PDSS1: variants seen among roughly 807,000 people sequenced by gnomAD.
The protein encoded by PDSS1 is all trans-polyprenyl-diphosphate synthase PDSS1.
Under a neutral mutation model 57.5 loss-of-function variants are expected in PDSS1, and 43 were observed. The observed-to-expected ratio is 0.75, with a 90% confidence interval of 0.59 to 0.96. The LOEUF is 0.96. PDSS1 is among the 50% of genes least tolerant of loss of function. The pLI is 0.00. For missense variants in PDSS1, 438 were observed against 527.8 expected (o/e 0.83, Z 1.67); for synonymous variants, 175 against 191.3 (o/e 0.91, Z 0.70).
chr10:26,724,958 G>C (rs1835905358), intron 8 of PDSS1, among the ~76,000 whole-genome samples: 1 of 152,062 alleles, frequency 6.6e-6, no homozygotes, highest in Non-Finnish European at 1.5e-5. Context: ...TACAAATTGA[G>C]TATAAGCCAT....
At chr10:26,701,156 TGA>T (rs774343656) in intron 1 of PDSS1, among the ~76,000 whole-genome samples, 4 of 152,172 alleles carry the variant, frequency 2.6e-5, no homozygotes, top group Non-Finnish European at 4.4e-5. Context: ...ACTTTGAGCC[TGA>T]GAGAGATGAT....
chr10:26,726,312 C>G (rs1835945829), intron 8 of PDSS1, among the ~76,000 whole-genome samples: 1 of 152,194 alleles, frequency 6.6e-6, no homozygotes, highest in African/African-American at 2.4e-5. Flanking sequence ...CTGGCATCGT[C>G]CCAGCACTAC....
intron 5 of PDSS1, among the ~76,000 whole-genome samples, chr10:26,711,993 TTC>T (rs1835418628): frequency 1.2e-5 from 1 of 85,340 alleles, no homozygotes; most frequent in South Asian, 3.7e-4. Flanking sequence ...GTTTTTCTTT[TTC>T]TTTTTCTTTT....
At chr10:26,725,420 A>T (rs562436901) in intron 8 of PDSS1, among the ~76,000 whole-genome samples, 3 of 152,234 alleles carry the variant, frequency 2.0e-5, no homozygotes, top group Non-Finnish European at 4.4e-5. Flanking sequence ...AACTTTAAGG[A>T]ATGTGAATTA....
chr10:26,708,785 C>G (rs1835326339), intron 4 of PDSS1, among the ~76,000 whole-genome samples: 1 of 151,692 alleles, frequency 6.6e-6, no homozygotes, highest in Non-Finnish European at 1.5e-5. Flanking sequence ...GTGCCACTGC[C>G]CTGAGGCCTG....
intron 1 of PDSS1, among the ~76,000 whole-genome samples, chr10:26,701,435 C>T (rs556427881): frequency 1.1e-4 from 16 of 152,178 alleles, no homozygotes; most frequent in Non-Finnish European, 1.9e-4. Context: ...GGGCCCAGGG[C>T]CCTGCTGCTC....
intron 1 of PDSS1, chr10:26,701,903 C>A (rs1408380765): frequency 3.3e-5 from 15 of 450,956 alleles, no homozygotes; most frequent in Non-Finnish European, 5.3e-5. Context: ...GGGGTTGAAC[C>A]CTGCAAAGCC....
At chr10:26,728,150 G>A (rs547520580) in intron 8 of PDSS1, among the ~76,000 whole-genome samples, 3 of 152,250 alleles carry the variant, frequency 2.0e-5, no homozygotes, top group South Asian at 2.1e-4. Flanking sequence ...GAGGTCAAGA[G>A]TTCAAGACCA....
intron 10 of PDSS1, among the ~76,000 whole-genome samples, chr10:26,739,411 G>T (rs965712406): frequency 1.3e-5 from 2 of 152,192 alleles, no homozygotes; most frequent in Non-Finnish European, 2.9e-5. Context: ...GGGGACTGGG[G>T]AGTGCCCGGG....
intron 5 of PDSS1, chr10:26,714,850 A>G (rs1482687268): frequency 6.6e-6 from 1 of 152,256 alleles, no homozygotes; most frequent in Non-Finnish European, 1.5e-5. Flanking sequence ...CAGTTTTCAC[A>G]GTAGATAACA....
chr10:26,707,379 A>G (rs1007394498), intron 4 of PDSS1, among the ~76,000 whole-genome samples: 1 of 152,100 alleles, frequency 6.6e-6, no homozygotes, highest in African/African-American at 2.4e-5. Flanking sequence ...GCTGTGACCA[A>G]TTAGTATTTT....
At chr10:26,725,071 T>C (rs886454592) in intron 8 of PDSS1, among the ~76,000 whole-genome samples, 5 of 152,190 alleles carry the variant, frequency 3.3e-5, no homozygotes, top group African/African-American at 1.2e-4. Flanking sequence ...AAATGTGTGG[T>C]ATTCATCGTT....
chr10:26,699,156 G>A (rs1183953541), intron 1 of PDSS1, among the ~76,000 whole-genome samples: 4 of 152,028 alleles, frequency 2.6e-5, no homozygotes, highest in South Asian at 2.1e-4. Flanking sequence ...CAAAAAAGAC[G>A]TTTGGAGACC....
At chr10:26,708,263 A>C (rs1251554017) in intron 4 of PDSS1, among the ~76,000 whole-genome samples, 1 of 152,218 alleles carries the variant, frequency 6.6e-6, no homozygotes, top group Non-Finnish European at 1.5e-5. Flanking sequence ...GCTGAGGTTC[A>C]TTGACTCCCA....
intron 10 of PDSS1, among the ~76,000 whole-genome samples, chr10:26,739,865 G>A (rs1241648443): frequency 1.3e-5 from 2 of 152,132 alleles, no homozygotes; most frequent in African/African-American, 4.8e-5. Flanking sequence ...GGCCAGGCAC[G>A]GTGGCTCACG....
At chr10:26,733,642 T>C (rs1055215834) in intron 8 of PDSS1, among the ~76,000 whole-genome samples, 1 of 152,172 alleles carries the variant, frequency 6.6e-6, no homozygotes, top group Non-Finnish European at 1.5e-5. Flanking sequence ...GGCTCCTATT[T>C]CTGGTTCCAG....
At chr10:26,708,726 C>T (rs1200504599) in intron 4 of PDSS1, among the ~76,000 whole-genome samples, 6 of 152,086 alleles carry the variant, frequency 3.9e-5, no homozygotes, top group Admixed American at 6.6e-5. Context: ...TCCTGCCCCT[C>T]GTAAACAGCT....
intron 8 of PDSS1, among the ~76,000 whole-genome samples, chr10:26,724,612 G>A (rs560198260): frequency 6.6e-6 from 1 of 151,952 alleles, no homozygotes; most frequent in African/African-American, 2.4e-5. Flanking sequence ...GTCTTTTGCT[G>A]TGTGGCCCAG....
At chr10:26,724,660 C>T (rs1326336185) in intron 8 of PDSS1, among the ~76,000 whole-genome samples, 2 of 152,114 alleles carry the variant, frequency 1.3e-5, no homozygotes, top group African/African-American at 4.8e-5. Context: ...TCACTACAAC[C>T]TCCACCTCCC....
Sources: allele counts gnomAD v4.1 joint callset (sites outside exome capture counted in the v4.1 genomes callset), GRCh38; gene constraint gnomAD v4.1.1; transcripts MANE v1.5; gene names NCBI Gene and HGNC (gene_info 2026-07-23, HGNC 2026-07-21).